Variants in PJA2 observed in about 807,000 individuals in gnomAD.
The protein encoded by PJA2 is E3 ubiquitin-protein ligase Praja-2.
A neutral mutation model predicts 69.3 loss-of-function variants in PJA2; 25 were observed. That is an observed-to-expected ratio of 0.36 (90% CI 0.26 to 0.50). The LOEUF is 0.50. Among genes scored for constraint, PJA2 ranks in the 20% least tolerant of loss-of-function variants. The pLI, the probability that PJA2 is intolerant of heterozygous loss-of-function variation, is 0.96. For missense variants in PJA2, 809 were observed against 830.2 expected (o/e 0.97, Z 0.31); for synonymous variants, 308 against 277.8 (o/e 1.11, Z -1.08).
At position 109,344,750 on chromosome 5, in the gene PJA2, T is replaced by C; in HGVS notation, c.1834A>G (p.Ser612Gly). The C allele has an allele frequency of 6.2e-7, 1 of 1,614,108 alleles. No homozygotes were observed. Among genetic ancestry groups the C allele is most frequent in the Non-Finnish European group, 8.5e-7 (1 of 1,179,972 alleles). The part of the protein sequence containing the change: ...EVANPPASKE[S>G]IDGLPETLVL... ...AGGGTCTCTGGAAGACCATCAATGC[T>C]TTCCTTACTAGCTGGTGGATTGGCC... The change falls in exon 8 of 10, where the codon AGC becomes GGC. Residue 612 changes from serine to glycine, a missense_variant. Ser to Gly is a moderately conservative substitution (Grantham distance 56). This residue lies in a region of PJA2 where 55 missense variants were observed against 90.7 expected (regional missense o/e 0.61). Transcript: ENST00000361189.
intron 5 of PJA2, among the ~76,000 whole-genome samples, chr5:109,367,175 A>G (rs1478444294): frequency 6.7e-6 from 1 of 148,490 alleles, no homozygotes; most frequent in Admixed American, 6.7e-5. Context: ...TCTATGATGT[A>G]TATTTATGAT....
At chr5:109,404,414 G>C (rs1487601738) in intron 1 of PJA2, among the ~76,000 whole-genome samples, 4 of 151,932 alleles carry the variant, frequency 2.6e-5, no homozygotes, top group African/African-American at 4.8e-5. Context: ...CCAGCTACTC[G>C]GGAGGCTGAG....
chr5:109,365,436 G>A (rs1762569518), intron 5 of PJA2, among the ~76,000 whole-genome samples: 1 of 152,166 alleles, frequency 6.6e-6, no homozygotes, highest in African/African-American at 2.4e-5. Flanking sequence ...GCTACCGGTT[G>A]CATAAAAAAT....
chr5:109,380,498 T>G (rs1215253516), intron 3 of PJA2, among the ~76,000 whole-genome samples: 1 of 151,978 alleles, frequency 6.6e-6, no homozygotes, highest in African/African-American at 2.4e-5. Flanking sequence ...CAAGTTAAAT[T>G]TAGGATAAAA....
At chr5:109,384,199 A>T (rs1747109965) in intron 1 of PJA2, among the ~76,000 whole-genome samples, 1 of 152,256 alleles carries the variant, frequency 6.6e-6, no homozygotes, top group Non-Finnish European at 1.5e-5. Context: ...TCTGTCAAGC[A>T]GTAAAGTTCC....
chr5:109,368,683 T>G lies in PJA2; in HGVS notation c.1347A>C (p.Lys449Asn). ...AGCTTTCATCACTTGAGGATTGATCTTTTTCTGTACCAGAAAATCGATGAG... is the reference window on the plus strand; with the variant it reads ...AGCTTTCATCACTTGAGGATTGATCGTTTTCTGTACCAGAAAATCGATGAG... The part of the protein sequence containing the change: ...SLPHRFSGTE[K>N]DQSSSDESWE... Residue 449 changes from lysine to asparagine, a missense_variant, in exon 5 of 10, where the codon AAA becomes AAC. Physicochemically the swap from Lys to Asn is moderately conservative, Grantham distance 94. Coordinates refer to ENST00000361189, the MANE Select transcript of PJA2 (RefSeq NM_014819.5). 6.2e-7 allele frequency: 1 copy of G among 1,614,150 alleles called. No individual in the cohort carries two copies.
chr5:109,395,958 C>A (rs539767096), intron 1 of PJA2, among the ~76,000 whole-genome samples: 1 of 150,986 alleles, frequency 6.6e-6, no homozygotes. Flanking sequence ...CGAGAATGCA[C>A]CACTGCACTC....
At chr5:109,362,440 AAGG>A (rs1365980601) in intron 6 of PJA2, among the ~76,000 whole-genome samples, 1 of 152,222 alleles carries the variant, frequency 6.6e-6, no homozygotes, top group African/African-American at 2.4e-5. Context: ...AAGAATAGGG[AAGG>A]AGAACTATTC....
At chr5:109,357,568 T>A (rs1235388941) in intron 6 of PJA2, among the ~76,000 whole-genome samples, 1 of 152,218 alleles carries the variant, frequency 6.6e-6, no homozygotes, top group African/African-American at 2.4e-5. Flanking sequence ...AAAGAGCCTG[T>A]AACTGACTCT....
chr5:109,341,164 C>G (rs1371125456), intron 9 of PJA2, among the ~76,000 whole-genome samples: 2 of 110,092 alleles, frequency 1.8e-5, no homozygotes, highest in Non-Finnish European at 4.1e-5. Context: ...GGAGCGTCTC[C>G]GCCCGGCCGC....
chr5:109,391,491 T>A (rs1315114636), intron 1 of PJA2, among the ~76,000 whole-genome samples: 4 of 152,124 alleles, frequency 2.6e-5, no homozygotes, highest in Non-Finnish European at 5.9e-5. Context: ...GACACCTTTT[T>A]TTTTTCTTTT....
chr5:109,400,986 A>G (rs1204156412), intron 1 of PJA2, among the ~76,000 whole-genome samples: 1 of 151,920 alleles, frequency 6.6e-6, no homozygotes, highest in Non-Finnish European at 1.5e-5. Context: ...CTGTCTCAAA[A>G]ACAAAAAACA....
chr5:109,353,880 AT>A, intron 7 of PJA2, among the ~76,000 whole-genome samples: 1 of 50,938 alleles, frequency 2.0e-5, no homozygotes, highest in African/African-American at 6.9e-5. Flanking sequence ...ATATCTATAG[AT>A]TAGATGTCTA....
intron 7 of PJA2, among the ~76,000 whole-genome samples, chr5:109,353,056 A>T (rs1762289923): frequency 6.9e-6 from 1 of 144,148 alleles, no homozygotes; most frequent in South Asian, 2.1e-4. Flanking sequence ...TATCATAGAC[A>T]TCTATATATT....
chr5:109,342,091 A>G (rs1435077256), intron 9 of PJA2, among the ~76,000 whole-genome samples: 1 of 124,144 alleles, frequency 8.1e-6, no homozygotes, highest in Non-Finnish European at 1.8e-5. Flanking sequence ...CCCGTCCGGG[A>G]GGGAGGTGGG....
chr5:109,354,439 G>GATTAGATATCTATGATATCTAGAGATA lies in PJA2; in HGVS notation c.1764+1475_1764+1476insTATCTCTAGATATCATAGATATCTAAT, dbSNP rs1762367244. Among the ~76,000 whole-genome samples, 5 of 81,714 alleles carry GATTAGATATCTATGATATCTAGAGATA rather than the reference G, an allele frequency of 6.1e-5. 1 individual carries two copies. The highest frequency in any genetic ancestry group is 2.5e-4 in the Admixed American group (2 of 7,986). 53.6% of individuals were successfully genotyped at this position (81,714 alleles called of 152,430 possible). ...TTAGATATCTATGATATCTAGAGAT[G>GATTAGATATCTATGATATCTAGAGATA]TCTATAGATTAGATATCTATGATAT... On this transcript the variant is annotated intron_variant, in intron 7 of 9. Coordinates refer to ENST00000361189, the MANE Select transcript of PJA2 (RefSeq NM_014819.5).
Position 109,337,180 on chromosome 5 carries a change from G to A in PJA2, c.*51C>T, listed in dbSNP as rs746974671. The A allele has an allele frequency of 1.3e-6, 2 of 1,544,850 alleles. No individual in the cohort carries two copies. The highest frequency in any genetic ancestry group is 2.5e-5 in the South Asian group (2 of 78,984). On this transcript the variant is annotated 3_prime_UTR_variant, in exon 10 of 10. Transcript: ENST00000361189. ...AATTATTTGCACATGAAATTTAGAA[G>A]GAATTTGCAGATTTACTTTGATACA...
At chr5:109,370,192 T>C (rs760622294) in intron 4 of PJA2, among the ~76,000 whole-genome samples, 4 of 152,176 alleles carry the variant, frequency 2.6e-5, no homozygotes, top group Non-Finnish European at 5.9e-5. Context: ...AAGTCTTAAA[T>C]GCCCCCTCCA....
At position 109,403,674 on chromosome 5, in the gene PJA2, AT is replaced by A. The variant is rs1471976774; in HGVS notation, c.-88+6167del. On this transcript the variant is annotated intron_variant, in intron 1 of 9. Transcript: ENST00000361189. ...CAACATTCGCAAATAAGTTAACGTA[AT>A]TCATCACATTAACACAGAAACAAAC... Among the ~76,000 whole-genome samples the A allele has an allele frequency of 2.6e-5, 4 of 152,152 alleles. No individual in the cohort carries two copies. The East Asian group carries it at 7.7e-4, about 29-fold the overall frequency.
Sources: gnomAD v4.1 joint callset for allele counts (sites outside exome capture counted in the v4.1 genomes callset) on GRCh38, gnomAD v4.1.1 for gene constraint, gnomAD v4.1.1 regional missense constraint, MANE v1.5 for transcripts, NCBI Gene and HGNC (gene_info 2026-07-23, HGNC 2026-07-21) for gene names.